The following TUBB4A variants were observed in gnomAD, a reference collection of about 807,000 sequenced individuals.
TUBB4A encodes the protein tubulin beta 4A class IVa.
Under a neutral mutation model 35.1 loss-of-function variants are expected in TUBB4A, and 13 were observed. The observed-to-expected ratio is 0.37, with a 90% CI of 0.24 to 0.59. TUBB4A has a LOEUF of 0.59. TUBB4A is among the 20% of genes least tolerant of loss of function. The probability of loss-of-function intolerance (pLI) is 0.71; values close to 1 mark genes in which losing one functional copy is unlikely to be tolerated. For missense variants in TUBB4A, 299 were observed against 647.2 expected (o/e 0.46, Z 5.84); for synonymous variants, 279 against 272.4 (o/e 1.02, Z -0.24).
At chr19:6,499,525 T>C (rs1012808699) in intron 3 of TUBB4A, among the ~76,000 whole-genome samples, 4 of 151,962 alleles carry the variant, frequency 2.6e-5, no homozygotes, top group East Asian at 3.9e-4. Flanking sequence ...TGGAGGCGGG[T>C]GGAGCCAGGG....
chr19:6,497,049 AT>A (rs1914274938), intron 3 of TUBB4A, among the ~76,000 whole-genome samples: 1 of 83,536 alleles, frequency 1.2e-5, no homozygotes, highest in African/African-American at 4.5e-5. Flanking sequence ...ATATATATAT[AT>A]ATATATATAT....
In TUBB4A at chr19:6,496,118, G is replaced by A. The variant is rs754136059; in HGVS notation, c.381C>T (p.Cys127=). ...LDVVRKEAES[C]DCLQGFQLTH... ...TCAGCTGGAAGCCCTGAAGGCAGTC[G>A]CAGCTCTCGGCCTCCTTCCGGACTA... is the stretch of plus-strand genomic sequence containing the variant. Residue 127 remains cysteine, a synonymous_variant, in exon 4 of 4, where the codon TGC becomes TGT. Transcript: ENST00000264071. 1.3e-5 allele frequency: 21 copies of A among 1,614,086 alleles called. No individual in the cohort carries two copies. In the East Asian group the frequency reaches 1.6e-4, roughly 12 times the overall value.
intron 3 of TUBB4A, among the ~76,000 whole-genome samples, chr19:6,500,404 GT>G (rs1208061517): frequency 7.2e-5 from 11 of 152,278 alleles, no homozygotes; most frequent in Admixed American, 7.2e-4. Flanking sequence ...AAAGTCCTGG[GT>G]TTATAGGCAT....
intron 3 of TUBB4A, among the ~76,000 whole-genome samples, chr19:6,500,409 T>C (rs1358396486): frequency 6.6e-6 from 1 of 152,112 alleles, no homozygotes; most frequent in African/African-American, 2.4e-5. Context: ...CCTGGGTTTA[T>C]AGGCATGAAC....
chr19:6,497,898 C>CAAA (rs1179837262), intron 3 of TUBB4A, among the ~76,000 whole-genome samples: 64 of 42,072 alleles, frequency 1.5e-3, no homozygotes, highest in East Asian at 2.1e-3. Flanking sequence ...GACTCCGTCT[C>CAAA]AAAAAAAAAA....
At chr19:6,502,004 G>A in intron 1 of TUBB4A, 152 bp downstream of exon 1, 1 of 798,370 alleles carries the variant, frequency 1.3e-6, no homozygotes, top group South Asian at 1.9e-5. Flanking sequence ...CCCCCACCCC[G>A]CGACCCTTCC....
chr19:6,496,878 CTG>C (rs1488860690), intron 3 of TUBB4A, among the ~76,000 whole-genome samples: 3 of 145,884 alleles, frequency 2.1e-5, no homozygotes, highest in Non-Finnish European at 4.5e-5. Context: ...AAAACCAAGA[CTG>C]GGCACAGTGG....
chr19:6,497,801 C>T (rs369175259), intron 3 of TUBB4A, among the ~76,000 whole-genome samples: 18 of 137,884 alleles, frequency 1.3e-4, no homozygotes, highest in African/African-American at 4.3e-4. Flanking sequence ...GGCGAGGTGG[C>T]GGGCGCCTGT....
rs142792302 is a variant in TUBB4A, at chr19:6,495,200, G to A, written c.1299C>T (p.Gly433=). The change falls in exon 4 of 4, where the codon GGC becomes GGT. Residue 433 remains glycine, a synonymous_variant. Coordinates refer to ENST00000264071, the MANE Select transcript of TUBB4A (RefSeq NM_006087.4). This position sits in a 1 kb window ranked among gnomAD's most constrained non-coding sequence, Gnocchi z 8.7. ...CCTCCTCCGCCTCCTCCTCGAACTCGCCCTCCTCGGCCGTGGCGTCCTGGT... is the reference window on the plus strand; with the variant it reads ...CCTCCTCCGCCTCCTCCTCGAACTCACCCTCCTCGGCCGTGGCGTCCTGGT... ...QQYQDATAEE[G]EFEEEAEEEV... The A allele has an allele frequency of 2.6e-4, 426 of 1,613,912 alleles. No homozygotes were observed. Among genetic ancestry groups the A allele is most frequent in the Non-Finnish European group, 3.3e-4 (385 of 1,179,872 alleles).
In TUBB4A at chr19:6,501,019, C is replaced by T; in HGVS notation, c.277+268G>A. ...AAGTGGCAGAATTGGGATGTGCACCCAGGCAGTCTGGTTCCGGTTCAGACC... is the reference window on the plus strand; with the variant it reads ...AAGTGGCAGAATTGGGATGTGCACCTAGGCAGTCTGGTTCCGGTTCAGACC... On this transcript the variant is annotated intron_variant, in intron 3 of 3. Coordinates refer to ENST00000264071, the MANE Select transcript of TUBB4A (RefSeq NM_006087.4). The surrounding 1 kb of genome is among the most constrained non-coding windows in gnomAD (Gnocchi z 4.2). 2.2e-6 allele frequency: 1 copy of T among 452,730 alleles called. No individual in the cohort carries two copies. The highest frequency in any genetic ancestry group is 4.0e-6 in the Non-Finnish European group (1 of 252,640). 28.0% of individuals were successfully genotyped at this position (452,730 alleles called of 1,614,324 possible). A position where few individuals can be genotyped will look rare whatever the true frequency, so the allele number is the denominator to read the frequency against.
chr19:6,498,782 T>A (rs1011935758), intron 3 of TUBB4A, among the ~76,000 whole-genome samples: 1 of 152,248 alleles, frequency 6.6e-6, no homozygotes. Flanking sequence ...TTCTCGGGAC[T>A]GACAAGACAA....
At chr19:6,502,082 G>C (rs552081717) in intron 1 of TUBB4A, 74 bp downstream of exon 1, 1 of 1,451,628 alleles carries the variant, frequency 6.9e-7, no homozygotes, top group Non-Finnish European at 9.1e-7. Context: ...CCAGGTTGCG[G>C]GGTGCTCCGG....
Position 6,495,193 on chromosome 19 carries a change from C to T in TUBB4A, c.1306G>A (p.Glu436Lys), listed in dbSNP as rs775309721. Residue 436 changes from glutamate (E) to lysine (K), a missense_variant, in exon 4 of 4, where the codon GAG (glutamate) becomes AAG (lysine). Glu to Lys is a moderately conservative substitution (Grantham distance 56). Coordinates refer to ENST00000264071, the MANE Select transcript of TUBB4A (RefSeq NM_006087.4). This position sits in a 1 kb window ranked among gnomAD's most constrained non-coding sequence, Gnocchi z 8.7. ...GCCACCTCCTCCTCCGCCTCCTCCTCGAACTCGCCCTCCTCGGCCGTGGCG... is the reference window on the plus strand; with the variant it reads ...GCCACCTCCTCCTCCGCCTCCTCCTTGAACTCGCCCTCCTCGGCCGTGGCG... ...QDATAEEGEFEEEAEEEVA is the reference protein window; with the variant it reads ...QDATAEEGEFKEEAEEEVA 13 of 1,613,962 alleles carry T rather than the reference C, an allele frequency of 8.1e-6. No homozygotes were observed. Among genetic ancestry groups the T allele is most frequent in the East Asian group, 2.2e-5 (1 of 44,884 alleles).
chr19:6,497,112 G>T (rs1353033039), intron 3 of TUBB4A, among the ~76,000 whole-genome samples: 1 of 135,636 alleles, frequency 7.4e-6, no homozygotes, highest in Non-Finnish European at 1.5e-5. Context: ...CAGTTACTAG[G>T]GGGGCTCAGG....
chr19:6,497,490 T>C (rs928712270), intron 3 of TUBB4A, among the ~76,000 whole-genome samples: 14 of 151,936 alleles, frequency 9.2e-5, no homozygotes, highest in Non-Finnish European at 1.9e-4. Context: ...GTTCTTGAAC[T>C]CCTGAGCTGG....
At chr19:6,499,708 A>G (rs1261461289) in intron 3 of TUBB4A, among the ~76,000 whole-genome samples, 1 of 152,184 alleles carries the variant, frequency 6.6e-6, no homozygotes, top group Non-Finnish European at 1.5e-5. Flanking sequence ...GCAGATAGTA[A>G]TGAAAACAAC....
chr19:6,499,541 A>G (rs962068675), intron 3 of TUBB4A, among the ~76,000 whole-genome samples: 2 of 152,138 alleles, frequency 1.3e-5, no homozygotes, highest in Admixed American at 6.6e-5. Flanking sequence ...CAGGGTGGGG[A>G]CATGCAGCCA....
In TUBB4A at chr19:6,495,793, C is replaced by T; in HGVS notation, c.706G>A (p.Val236Ile). ...NHLVSATMSG[V>I]TTCLRFPGQL... The stretch of plus-strand genomic sequence containing the variant: ...CCCGGGAAGCGCAGGCAGGTGGTGA[C>T]CCCGCTCATGGTGGCCGACACCAGG... Residue 236 changes from valine (V) to isoleucine (I), a missense_variant, in exon 4 of 4, where the codon GTC becomes ATC. Transcript: ENST00000264071. The surrounding 1 kb of genome is among the most constrained non-coding windows in gnomAD (Gnocchi z 8.7). 1 of 1,614,224 alleles carries T rather than the reference C, an allele frequency of 6.2e-7. No individual in the cohort carries two copies. The highest frequency in any genetic ancestry group is 8.5e-7 in the Non-Finnish European group (1 of 1,180,042).
At chr19:6,498,732 C>A (rs1408696339) in intron 3 of TUBB4A, among the ~76,000 whole-genome samples, 1 of 152,222 alleles carries the variant, frequency 6.6e-6, no homozygotes, top group African/African-American at 2.4e-5. Context: ...CTGGTCACCC[C>A]CTCCCTCCTC....
Sources: allele counts gnomAD v4.1 joint callset (sites outside exome capture counted in the v4.1 genomes callset), GRCh38; gene constraint gnomAD v4.1.1; non-coding constraint Gnocchi (gnomAD v3.1); transcripts MANE v1.5; gene names NCBI Gene and HGNC (gene_info 2026-07-23, HGNC 2026-07-21).